The following SLC22A14 variants were observed in gnomAD, a reference collection of about 807,000 sequenced individuals.
SLC22A14 encodes solute carrier family 22 member 14, also known as organic cation transporter-like 4.
SLC22A14 carries 50 observed loss-of-function variants against 53.9 expected under a neutral mutation model. The ratio of observed to expected loss-of-function variants is 0.93; its 90% CI spans 0.74 to 1.17. The LOEUF is 1.17. SLC22A14 is among the 50% of genes most tolerant of loss of function. The pLI is 0.00. For missense variants in SLC22A14, 671 were observed against 734.7 expected (o/e 0.91, Z 1.00); for synonymous variants, 312 against 303.0 (o/e 1.03, Z -0.31).
chr3:38,306,011 C>T lies in SLC22A14; in HGVS notation c.1-16C>T, dbSNP rs1359667775. ...TGGTGTCAGCAGAGACTGAGCTGCACCCTTTCTTTGGACAGATGGCAGGAG... is the reference window on the plus strand; with the variant it reads ...TGGTGTCAGCAGAGACTGAGCTGCATCCTTTCTTTGGACAGATGGCAGGAG... On this transcript the variant is annotated splice_polypyrimidine_tract_variant and intron_variant, in intron 1 of 10. Coordinates refer to ENST00000448498, the MANE Select transcript of SLC22A14 (RefSeq NM_001320033.2). The T allele has an allele frequency of 2.5e-6, 4 of 1,597,562 alleles. No homozygotes were observed. Among genetic ancestry groups the T allele is most frequent in the South Asian group, 2.3e-5 (2 of 87,776 alleles).
In SLC22A14 at chr3:38,318,493, C is replaced by T. The variant is rs1704681575; in HGVS notation, c.*244C>T. The T allele has an allele frequency of 2.6e-6, 1 of 387,830 alleles. No individual in the cohort carries two copies. Among genetic ancestry groups the T allele is most frequent in the African/African-American group, 2.3e-5 (1 of 43,316 alleles). The allele number at this position is 387,830 out of a possible 1,614,324, so 24.0% of individuals were successfully genotyped here. On this transcript the variant is annotated 3_prime_UTR_variant, in exon 11 of 11. Coordinates refer to ENST00000448498, the MANE Select transcript of SLC22A14 (RefSeq NM_001320033.2). The stretch of plus-strand genomic sequence containing the variant: ...GGGTCAGTCCTTCTCCCAGGCCAGC[C>T]CTTGACATTAAAAAAAATGCCCCCT...
chr3:38,309,091 A>T lies in SLC22A14; in HGVS notation c.913A>T (p.Ile305Leu). 1 of 1,614,046 alleles carries T rather than the reference A, an allele frequency of 6.2e-7. No homozygotes were observed. The highest frequency in any genetic ancestry group is 1.3e-5 in the African/African-American group (1 of 75,012). The part of the protein sequence containing the change: ...HWQLLFLVGG[I>L]LVIPFISYIW... ...GCAGCTGCTGTTTCTGGTGGGTGGG[A>T]TACTTGTGATCCCCTTCATCTCCTA... Residue 305 changes from isoleucine to leucine, a missense_variant, in exon 5 of 11, where the codon ATA (isoleucine) becomes TTA (leucine). By Grantham distance (5) the Ile-to-Leu change is conservative. Coordinates refer to ENST00000448498, the MANE Select transcript of SLC22A14 (RefSeq NM_001320033.2).
chr3:38,294,062 T>A (rs905064191), intron 1 of SLC22A14, among the ~76,000 whole-genome samples: 1 of 152,168 alleles, frequency 6.6e-6, no homozygotes, highest in Admixed American at 6.5e-5. Context: ...GTACATGCAC[T>A]CTGGCTGGGC....
At position 38,309,090 on chromosome 3, in the gene SLC22A14, G is replaced by A. The variant is rs1704398376; in HGVS notation, c.912G>A (p.Gly304=). 7 of 1,614,148 alleles carry A rather than the reference G, an allele frequency of 4.3e-6. No individual in the cohort carries two copies. The highest frequency in any genetic ancestry group is 5.9e-6 in the Non-Finnish European group (7 of 1,179,956). The change falls in exon 5 of 11, where the codon GGG becomes GGA. Residue 304 remains glycine, a synonymous_variant. Coordinates refer to ENST00000448498, the MANE Select transcript of SLC22A14 (RefSeq NM_001320033.2). ...GGCAGCTGCTGTTTCTGGTGGGTGG[G>A]ATACTTGTGATCCCCTTCATCTCCT... ...PHWQLLFLVG[G]ILVIPFISYI...
chr3:38,282,549 G>A (rs921290478), intron 1 of SLC22A14, among the ~76,000 whole-genome samples: 2 of 152,174 alleles, frequency 1.3e-5, no homozygotes, highest in African/African-American at 2.4e-5. Flanking sequence ...CAGGTGTGGC[G>A]TCTGGCCATC....
chr3:38,315,595 G>A lies in SLC22A14; in HGVS notation c.1416G>A (p.Pro472=), dbSNP rs755358856. 43 of 1,613,958 alleles carry A rather than the reference G, an allele frequency of 2.7e-5. No homozygotes were observed. The highest frequency in any genetic ancestry group is 3.3e-4 in the Middle Eastern group (2 of 6,084). Residue 472 remains proline (P), a synonymous_variant, in exon 9 of 11, where the codon CCG becomes CCA. Coordinates refer to ENST00000448498, the MANE Select transcript of SLC22A14 (RefSeq NM_001320033.2). ...DGLRLKWPRC[P]ATELKSMTIL... Reference sequence around the variant, plus strand: ...TCAGACTCAAGTGGCCACGTTGTCCGGCCACAGAGCTGAAATCCATGACGA... The same window carrying A: ...TCAGACTCAAGTGGCCACGTTGTCCAGCCACAGAGCTGAAATCCATGACGA...
intron 1 of SLC22A14, among the ~76,000 whole-genome samples, chr3:38,294,504 C>A (rs1703983541): frequency 6.6e-6 from 1 of 152,050 alleles, no homozygotes; most frequent in South Asian, 2.1e-4. Context: ...GGTCCCAATT[C>A]TCCAGAATAC....
chr3:38,317,365 A>G (rs73064834), intron 10 of SLC22A14, among the ~76,000 whole-genome samples: 3,558 of 152,246 alleles, frequency 0.023, 60 homozygotes, highest in Non-Finnish European at 0.035. Context: ...TGAGAAAACC[A>G]TAGCTTATGC....
chr3:38,317,057 G>T (rs372251184), intron 10 of SLC22A14, among the ~76,000 whole-genome samples: 1 of 152,228 alleles, frequency 6.6e-6, no homozygotes, highest in Non-Finnish European at 1.5e-5. Context: ...GATCTCCCAG[G>T]TGTCCCCTGG....
At chr3:38,296,352 GGTT>G (rs1704037810) in intron 1 of SLC22A14, among the ~76,000 whole-genome samples, 1 of 151,352 alleles carries the variant, frequency 6.6e-6, no homozygotes, top group Non-Finnish European at 1.5e-5. Flanking sequence ...AAGGGTTGGG[GGTT>G]GTTAGAAAGC....
chr3:38,308,862 G>T, intron 4 of SLC22A14, 92 bp from the exon 5 acceptor site: 1 of 1,161,868 alleles, frequency 8.6e-7, no homozygotes, highest in South Asian at 1.4e-5. Flanking sequence ...CAACTGTCCA[G>T]AGCAGGTGGG....
At chr3:38,303,319 T>A (rs1437309914) in intron 1 of SLC22A14, among the ~76,000 whole-genome samples, 1 of 152,178 alleles carries the variant, frequency 6.6e-6, no homozygotes, top group Admixed American at 6.5e-5. Context: ...GATGGTTGTT[T>A]AGTTGATTAA....
rs1559556821 is a variant in SLC22A14 at position 38,318,499 on chromosome 3, C to T, written c.*250C>T. ...GTCCTTCTCCCAGGCCAGCCCTTGA[C>T]ATTAAAAAAAATGCCCCCTCCTTCT... is the stretch of plus-strand genomic sequence containing the variant. On this transcript the variant is annotated 3_prime_UTR_variant, in exon 11 of 11. Coordinates refer to ENST00000448498, the MANE Select transcript of SLC22A14 (RefSeq NM_001320033.2). The T allele has an allele frequency of 8.2e-6, 3 of 364,114 alleles. No homozygotes were observed. Among genetic ancestry groups the T allele is most frequent in the Non-Finnish European group, 1.5e-5 (3 of 201,240 alleles). The allele number at this position is 364,114 out of a possible 1,614,324, so 22.6% of individuals were successfully genotyped here.
At chr3:38,297,686 G>T (rs144526733) in intron 1 of SLC22A14, among the ~76,000 whole-genome samples, 3 of 152,278 alleles carry the variant, frequency 2.0e-5, no homozygotes, top group East Asian at 3.9e-4. Context: ...GAATACCTCA[G>T]AAGTGCTGTT....
intron 1 of SLC22A14, chr3:38,305,666 G>A (rs1271646623): frequency 9.4e-6 from 2 of 211,704 alleles, no homozygotes; most frequent in East Asian, 1.1e-4. Flanking sequence ...AAGGTCCCTA[G>A]AGACCTCTCC....
intron 1 of SLC22A14, among the ~76,000 whole-genome samples, chr3:38,283,100 C>G (rs1267298670): frequency 6.6e-6 from 1 of 152,112 alleles, no homozygotes; most frequent in East Asian, 1.9e-4. Flanking sequence ...TTCCTTGGCT[C>G]TGGGACCCCT....
chr3:38,310,054 A>ATATG (rs1407166693), intron 5 of SLC22A14, among the ~76,000 whole-genome samples: 1 of 152,126 alleles, frequency 6.6e-6, no homozygotes, highest in Non-Finnish European at 1.5e-5. Flanking sequence ...TAACTGTACC[A>ATATG]TATGTAGTAA....
Position 38,307,295 on chromosome 3 carries a change from A to G in SLC22A14, c.558A>G (p.Ala186=), listed in dbSNP as rs1003079738. 3.1e-6 allele frequency: 5 copies of G among 1,614,008 alleles called. No homozygotes were observed. In the Admixed American group the frequency reaches 8.3e-5, roughly 27 times the overall value. The part of the protein sequence containing the change: ...VCGMETKKDT[A]QIMFMAGLPI... ...GCATGGAGACGAAGAAGGACACTGC[A>G]CAGATCATGTTCATGGCAGGGCTCC... Residue 186 remains alanine (A), a synonymous_variant, in exon 3 of 11, where the codon GCA becomes GCG. Transcript: ENST00000448498. The surrounding 1 kb of genome is among the most constrained non-coding windows in gnomAD (Gnocchi z 4.4).
Position 38,307,152 on chromosome 3 carries a change from T to C in SLC22A14, c.517-102T>C. The C allele has an allele frequency of 1.2e-6, 1 of 817,354 alleles. No homozygotes were observed. Among genetic ancestry groups the C allele is most frequent in the South Asian group, 1.4e-5 (1 of 73,986 alleles). 50.6% of individuals were successfully genotyped at this position (817,354 alleles called of 1,614,324 possible). On this transcript the variant is annotated intron_variant, in intron 2 of 10. Coordinates refer to ENST00000448498, the MANE Select transcript of SLC22A14 (RefSeq NM_001320033.2). The surrounding 1 kb of genome is among the most constrained non-coding windows in gnomAD (Gnocchi z 4.4). ...CACGCTGCACACTGTTAACTGCCCC[T>C]ACCCCAGGTCCCCTTGGCCTATAGG...
Sources: allele counts gnomAD v4.1 joint callset (sites outside exome capture counted in the v4.1 genomes callset), GRCh38; gene constraint gnomAD v4.1.1; non-coding constraint Gnocchi (gnomAD v3.1); transcripts MANE v1.5; gene names NCBI Gene and HGNC (gene_info 2026-07-23, HGNC 2026-07-21).